Variants in CLEC19A observed in about 807,000 individuals in gnomAD.
CLEC19A encodes the protein C-type lectin domain containing 19A.
A neutral mutation model predicts 26.1 loss-of-function variants in CLEC19A; 21 were observed. The observed-to-expected ratio is 0.80, with a 90% CI of 0.57 to 1.16. The LOEUF is 1.16. CLEC19A is among the 50% of genes most tolerant of loss of function. The probability of loss-of-function intolerance (pLI) is 0.00; values close to 1 mark genes in which losing one functional copy is unlikely to be tolerated. For synonymous variants in CLEC19A, 89 were observed against 88.6 expected, an observed-to-expected ratio of 1.00 and a Z score of -0.03; for missense variants, 224 against 227.6, an observed-to-expected ratio of 0.98 and a Z score of 0.10.
At chr16:19,301,375 G>A (rs758884776) in intron 2 of CLEC19A, among the ~76,000 whole-genome samples, 8 of 152,184 alleles carry the variant, frequency 5.3e-5, no homozygotes, top group Non-Finnish European at 1.0e-4. Flanking sequence ...CGTAGGGAAT[G>A]AGGGCAGCAG....
chr16:19,300,252 TA>T (rs946806105), intron 2 of CLEC19A, among the ~76,000 whole-genome samples: 2 of 146,634 alleles, frequency 1.4e-5, no homozygotes, highest in Non-Finnish European at 3.0e-5. Flanking sequence ...AAATAAATAA[TA>T]AAAAAAAGAA....
intron 2 of CLEC19A, among the ~76,000 whole-genome samples, chr16:19,303,508 A>T (rs1897878298): frequency 6.6e-6 from 1 of 152,182 alleles, no homozygotes; most frequent in Admixed American, 6.5e-5. Context: ...GACACCCATG[A>T]CTTCTAAGGA....
chr16:19,285,845 G>A lies in CLEC19A; in HGVS notation c.-7G>A. ...CAGGCTGGGAGGTTGCTTTCTAGGA[G>A]CTCAGGATGCAAAGGTGGACACTGT... On this transcript the variant is annotated 5_prime_UTR_variant, in exon 1 of 5. Transcript: ENST00000636231. 3 of 1,550,376 alleles carry A rather than the reference G, an allele frequency of 1.9e-6. No individual in the cohort carries two copies. Among genetic ancestry groups the A allele is most frequent in the Non-Finnish European group, 2.6e-6 (3 of 1,146,910 alleles).
chr16:19,293,901 C>T (rs1401008363), intron 1 of CLEC19A, among the ~76,000 whole-genome samples: 1 of 152,124 alleles, frequency 6.6e-6, no homozygotes, highest in Non-Finnish European at 1.5e-5. Context: ...CTTTGTGTTA[C>T]AAACACTCCA....
rs911396542 is a variant in CLEC19A, at chr16:19,297,963, G to C, written c.89-710G>C. Among the ~76,000 whole-genome samples, 17 of 152,232 alleles carry C rather than the reference G, an allele frequency of 1.1e-4. No individual in the cohort carries two copies. The South Asian group carries it at 3.3e-3, about 30-fold the overall frequency. On this transcript the variant is annotated intron_variant, in intron 1 of 4. Transcript: ENST00000636231. ...ACTTTCATTCTTAAAAGTATGTACA[G>C]GTGGCCGGGTGCGGTGGCTCACGTC...
At chr16:19,297,458 T>G (rs1281027286) in intron 1 of CLEC19A, among the ~76,000 whole-genome samples, 2 of 152,212 alleles carry the variant, frequency 1.3e-5, no homozygotes, top group African/African-American at 4.8e-5. Context: ...TTTAGCAAAT[T>G]GTATTAAAGC....
chr16:19,302,915 C>T (rs1281996440), intron 2 of CLEC19A, among the ~76,000 whole-genome samples: 1 of 152,192 alleles, frequency 6.6e-6, no homozygotes, highest in African/African-American at 2.4e-5. Context: ...TCCCTCCTTT[C>T]ATCATGGAGA....
intron 3 of CLEC19A, 28 bp downstream of exon 3, chr16:19,304,183 C>T (rs990253865): frequency 2.0e-6 from 3 of 1,524,490 alleles, no homozygotes; most frequent in African/African-American, 2.8e-5. Context: ...ATTGGGCCCC[C>T]TTGGAAGCTC....
chr16:19,288,940 C>T (rs1897526599), intron 1 of CLEC19A, among the ~76,000 whole-genome samples: 1 of 152,172 alleles, frequency 6.6e-6, no homozygotes, highest in African/African-American at 2.4e-5. Flanking sequence ...ACTCTCAGCT[C>T]TGGGAAGGTT....
At chr16:19,293,225 C>T (rs1897627601) in intron 1 of CLEC19A, among the ~76,000 whole-genome samples, 1 of 152,144 alleles carries the variant, frequency 6.6e-6, no homozygotes, top group Non-Finnish European at 1.5e-5. Context: ...CCAGCCAATA[C>T]TAGAGAGAGT....
chr16:19,289,679 T>A (rs74011573), intron 1 of CLEC19A, among the ~76,000 whole-genome samples: 1 of 152,356 alleles, frequency 6.6e-6, no homozygotes, highest in African/African-American at 2.4e-5. Flanking sequence ...TGGCTGCTAT[T>A]ATTAGCAATA....
In CLEC19A at chr16:19,299,382, G is replaced by A. The variant is rs146712316; in HGVS notation, c.254+544G>A. 6.1e-4 allele frequency among the ~76,000 whole-genome samples: 93 copies of A among 152,252 alleles called. No homozygotes were observed. The East Asian group carries it at 0.012, about 20-fold the overall frequency. ...TCATTTTACAGATTAGGAAGGTGAGGCTCTGAAAAGGTAAGTAACTTGCTC... is the reference window on the plus strand; with the variant it reads ...TCATTTTACAGATTAGGAAGGTGAGACTCTGAAAAGGTAAGTAACTTGCTC... On this transcript the variant is annotated intron_variant, in intron 2 of 4. Transcript: ENST00000636231.
chr16:19,306,144 A>AT (rs148679009), intron 3 of CLEC19A, among the ~76,000 whole-genome samples: 3,631 of 124,348 alleles, frequency 0.029, 41 homozygotes, highest in Non-Finnish European at 0.035. Flanking sequence ...CGCCCGGCCT[A>AT]TTTTTTTTTT....
At position 19,309,136 on chromosome 16, in the gene CLEC19A, T is replaced by G; in HGVS notation, c.*53T>G. On this transcript the variant is annotated 3_prime_UTR_variant, in exon 5 of 5. Transcript: ENST00000636231. ...CAACTCTAGTATCATCTTGTAGCTG[T>G]AACCAGTGTAGAATTGACATTGAAT... 1.5e-6 allele frequency: 2 copies of G among 1,334,102 alleles called. No individual in the cohort carries two copies. Among genetic ancestry groups the G allele is most frequent in the Non-Finnish European group, 2.1e-6 (2 of 951,324 alleles). The allele number at this position is 1,334,102 out of a possible 1,614,324, so 82.6% of individuals were successfully genotyped here.
chr16:19,288,137 A>T (rs762474348), intron 1 of CLEC19A, among the ~76,000 whole-genome samples: 7 of 152,194 alleles, frequency 4.6e-5, no homozygotes, highest in Non-Finnish European at 1.0e-4. Flanking sequence ...CAATTGAGCC[A>T]ACCATGGTCA....
chr16:19,290,458 C>T (rs1276092794), intron 1 of CLEC19A, among the ~76,000 whole-genome samples: 1 of 152,098 alleles, frequency 6.6e-6, no homozygotes, highest in East Asian at 1.9e-4. Flanking sequence ...ACCTCCAGAC[C>T]TCTGCACACA....
intron 2 of CLEC19A, among the ~76,000 whole-genome samples, chr16:19,300,312 G>A (rs926940515): frequency 2.6e-5 from 4 of 152,010 alleles, no homozygotes; most frequent in Admixed American, 2.6e-4. Context: ...CCTATGGGAG[G>A]CTAAGATGGG....
At chr16:19,294,317 G>T (rs185176907) in intron 1 of CLEC19A, among the ~76,000 whole-genome samples, 2 of 152,300 alleles carry the variant, frequency 1.3e-5, no homozygotes, top group African/African-American at 4.8e-5. Context: ...AGGAAGTGAG[G>T]GGGGGTGCCC....
intron 3 of CLEC19A, among the ~76,000 whole-genome samples, chr16:19,305,339 C>T (rs998263132): frequency 8.5e-5 from 13 of 152,230 alleles, no homozygotes; most frequent in African/African-American, 3.1e-4. Flanking sequence ...CTGGCACATT[C>T]AAGGAAGTTA....
Sources: gnomAD v4.1 joint callset for allele counts (sites outside exome capture counted in the v4.1 genomes callset) on GRCh38, gnomAD v4.1.1 for gene constraint, MANE v1.5 for transcripts, NCBI Gene and HGNC (gene_info 2026-07-23, HGNC 2026-07-21) for gene names.